USF3: variants seen among roughly 807,000 people sequenced by gnomAD.
The protein encoded by USF3 is upstream transcription factor family member 3, also known as basic helix-loop-helix domain-containing protein USF3.
In USF3, 29 loss-of-function variants were observed where a neutral mutation model predicts 157.5. The ratio of observed to expected loss-of-function variants is 0.18; its 90% CI spans 0.14 to 0.25. The LOEUF is 0.25. Ranked by LOEUF, USF3 falls within the 10% of genes least tolerant of loss-of-function variation. USF3 has a pLI of 1.00. For synonymous variants in USF3, 893 were observed against 941.4 expected (o/e 0.95, Z 0.94); for missense variants, 2,381 against 2,667.6 (o/e 0.89, Z 2.37).
At chr3:113,672,916 A>G (rs1414948213) in intron 4 of USF3, among the ~76,000 whole-genome samples, 1 of 152,172 alleles carries the variant, frequency 6.6e-6, no homozygotes, top group Non-Finnish European at 1.5e-5. Flanking sequence ...ATAATTGAGG[A>G]CTCCAGAACT....
At position 113,660,323 on chromosome 3, in the gene USF3, A is replaced by G. The variant is rs1947459689; in HGVS notation, c.1359T>C (p.Ala453=). Reference sequence around the variant, plus strand: ...CAGACTCATTTAATACTGGAGTCACAGCAGAAGATGGTGTCTGGCTTAAGG... The same window carrying G: ...CAGACTCATTTAATACTGGAGTCACGGCAGAAGATGGTGTCTGGCTTAAGG... The part of the protein sequence containing the change: ...IQPLSQTPSS[A]VTPVLNESGT... Residue 453 remains alanine, a synonymous_variant, in exon 7 of 7, where the codon GCT becomes GCC. Coordinates refer to ENST00000316407, the MANE Select transcript of USF3 (RefSeq NM_001009899.4). The G allele has an allele frequency of 6.2e-7, 1 of 1,614,124 alleles. No individual in the cohort carries two copies.
intron 1 of USF3, among the ~76,000 whole-genome samples, chr3:113,692,268 C>T (rs1707703013): frequency 6.6e-6 from 1 of 152,146 alleles, no homozygotes; most frequent in South Asian, 2.1e-4. Flanking sequence ...AATGTCTTAA[C>T]ATGAAATACA....
rs1247676549 is a variant in USF3, at chr3:113,687,235, A to ACACACATATG, written c.-135+9134_-135+9135insCATATGTGTG. ...GTGCCCTTTACACACACAGTCACAC[A>ACACACATATG]CACACACACACACACACACACACAC... On this transcript the variant is annotated intron_variant, in intron 1 of 6. Transcript: ENST00000316407. 1.8e-3 allele frequency among the ~76,000 whole-genome samples: 248 copies of ACACACATATG among 135,546 alleles called. 3 individuals are homozygous for ACACACATATG. The highest frequency in any genetic ancestry group is 6.5e-3 in the African/African-American group (234 of 36,104). The allele number at this position is 135,546 out of a possible 152,430, so 88.9% of individuals were successfully genotyped here.
Position 113,651,050 on chromosome 3 carries a change from C to G in USF3, c.*3894G>C, listed in dbSNP as rs1348011171. On this transcript the variant is annotated 3_prime_UTR_variant, in exon 7 of 7. Coordinates refer to ENST00000316407, the MANE Select transcript of USF3 (RefSeq NM_001009899.4). The stretch of plus-strand genomic sequence containing the variant: ...GAAAGAAACAACATCAAACTAGATT[C>G]CTTTCATCTATGATTGACACATTAA... 1 of 152,178 alleles carries G rather than the reference C, an allele frequency of 6.6e-6. No individual in the cohort carries two copies. Among genetic ancestry groups the G allele is most frequent in the Non-Finnish European group, 1.5e-5 (1 of 68,030 alleles). The allele number at this position is 152,178 out of a possible 1,614,324, so 9.4% of individuals were successfully genotyped here. A position where few individuals can be genotyped will look rare whatever the true frequency, so the allele number is the denominator to read the frequency against.
chr3:113,689,541 A>G (rs1426942445), intron 1 of USF3, among the ~76,000 whole-genome samples: 2 of 152,194 alleles, frequency 1.3e-5, no homozygotes, highest in Non-Finnish European at 2.9e-5. Context: ...GATTTTTTCC[A>G]CTTTAGCACT....
intron 1 of USF3, among the ~76,000 whole-genome samples, chr3:113,690,810 C>G (rs943401756): frequency 8.5e-5 from 13 of 152,302 alleles, no homozygotes; most frequent in African/African-American, 3.1e-4. Context: ...ACTCTCGCTA[C>G]TTAGTAAACT....
In USF3 at chr3:113,660,365, T is replaced by C. The variant is rs1577032358; in HGVS notation, c.1317A>G (p.Ala439=). ...GGCTTAAGGGCTGAATAGTGTTTCC[T>C]GCCAGTTGCAAAGTAGTCCACGTTG... The part of the protein sequence containing the change: ...TQTTWTTLQL[A]GNTIQPLSQT... Residue 439 remains alanine, a synonymous_variant, in exon 7 of 7, where the codon GCA becomes GCG. Transcript: ENST00000316407. 6.2e-7 allele frequency: 1 copy of C among 1,614,202 alleles called. No homozygotes were observed. Among genetic ancestry groups the C allele is most frequent in the East Asian group, 2.2e-5 (1 of 44,888 alleles).
At chr3:113,686,970 C>A (rs1707564253) in intron 1 of USF3, among the ~76,000 whole-genome samples, 1 of 152,008 alleles carries the variant, frequency 6.6e-6, no homozygotes, top group Non-Finnish European at 1.5e-5. Flanking sequence ...TAAGTCTAGC[C>A]CACACGCAAA....
Position 113,657,853 on chromosome 3 carries a change from C to T in USF3, c.3829G>A (p.Val1277Ile), listed in dbSNP as rs748988749. 5.0e-5 allele frequency: 81 copies of T among 1,614,026 alleles called. No individual in the cohort carries two copies. The highest frequency in any genetic ancestry group is 1.6e-4 in the East Asian group (7 of 44,892). ...TTVPATVNLT[V>I]SSSSYGSQPP... ...TGACTGCCATAGGAGCTAGATGAAA[C>T]GGTCAGATTAACCGTTGCAGGCACA... Residue 1277 changes from valine to isoleucine, a missense_variant, in exon 7 of 7, where the codon GTT (valine) becomes ATT (isoleucine). Physicochemically the swap from Val to Ile is conservative, Grantham distance 29. Transcript: ENST00000316407.
At chr3:113,676,117 A>T (rs572482371) in intron 2 of USF3, among the ~76,000 whole-genome samples, 1 of 152,148 alleles carries the variant, frequency 6.6e-6, no homozygotes, top group Non-Finnish European at 1.5e-5. Flanking sequence ...GAGTCCTCCA[A>T]GTCTCTACAA....
At position 113,649,924 on chromosome 3, in the gene USF3, G is replaced by A. The variant is rs1947232085; in HGVS notation, c.*5020C>T. ...AGGCCCTTTTCTTTCAAACCCTGGG[G>A]AAAGAAAAATGGTAATGTTCAGCCA... On this transcript the variant is annotated 3_prime_UTR_variant, in exon 7 of 7. Transcript: ENST00000316407. 1.4e-6 allele frequency: 1 copy of A among 693,170 alleles called. No homozygotes were observed. The highest frequency in any genetic ancestry group is 1.5e-5 in the South Asian group (1 of 65,222). 42.9% of individuals were successfully genotyped at this position (693,170 alleles called of 1,614,324 possible). A position where few individuals can be genotyped will look rare whatever the true frequency, so the allele number is the denominator to read the frequency against.
intron 5 of USF3, among the ~76,000 whole-genome samples, chr3:113,667,314 C>T (rs1482013337): frequency 1.3e-5 from 2 of 152,216 alleles, no homozygotes; most frequent in African/African-American, 4.8e-5. Flanking sequence ...TCTTAGTTGG[C>T]TCTGCTTCTG....
chr3:113,664,412 G>A lies in USF3; in HGVS notation c.160-3C>T. ...TGGTCCAGGATCATATTCTTGCTCT[G>A]TCCAAGAAAATTTTAAAAGTTTACA... On this transcript the variant is annotated splice_region_variant and splice_polypyrimidine_tract_variant and intron_variant, in intron 5 of 6. Coordinates refer to ENST00000316407, the MANE Select transcript of USF3 (RefSeq NM_001009899.4). 1 of 1,560,714 alleles carries A rather than the reference G, an allele frequency of 6.4e-7. No individual in the cohort carries two copies. The highest frequency in any genetic ancestry group is 1.2e-5 in the South Asian group (1 of 84,064).
rs1947228977 is a variant in USF3, at chr3:113,649,776, T to G, written c.*5168A>C. On this transcript the variant is annotated 3_prime_UTR_variant, in exon 7 of 7. Coordinates refer to ENST00000316407, the MANE Select transcript of USF3 (RefSeq NM_001009899.4). ...TCTAGAAGCTCTGTGTCCAACAAGGTCCTCACGCTTCTTATCAGCATGGAC... is the reference window on the plus strand; with the variant it reads ...TCTAGAAGCTCTGTGTCCAACAAGGGCCTCACGCTTCTTATCAGCATGGAC... The G allele has an allele frequency of 1.4e-6, 1 of 701,532 alleles. No homozygotes were observed. The highest frequency in any genetic ancestry group is 2.7e-5 in the East Asian group (1 of 37,258). The allele number at this position is 701,532 out of a possible 1,614,324, so 43.5% of individuals were successfully genotyped here. A position where few individuals can be genotyped will look rare whatever the true frequency, so the allele number is the denominator to read the frequency against.
At chr3:113,680,235 T>C (rs752328592) in intron 1 of USF3, among the ~76,000 whole-genome samples, 9 of 151,960 alleles carry the variant, frequency 5.9e-5, no homozygotes, top group Non-Finnish European at 1.0e-4. Flanking sequence ...TCCTGGGCTT[T>C]TCTTTGCTGG....
chr3:113,662,826 C>A (rs1163313722), intron 6 of USF3, among the ~76,000 whole-genome samples: 1 of 151,930 alleles, frequency 6.6e-6, no homozygotes, highest in East Asian at 1.9e-4. Flanking sequence ...CATGAGATGG[C>A]AATTTATATT....
Position 113,652,108 on chromosome 3 carries a change from A to AGAGAGAGAGT in USF3, c.*2835_*2836insACTCTCTCTC, listed in dbSNP as rs1266464109. The AGAGAGAGAGT allele has an allele frequency of 3.0e-4, 43 of 142,084 alleles. No individual in the cohort carries two copies. Among genetic ancestry groups the AGAGAGAGAGT allele is most frequent in the African/African-American group, 1.0e-3 (40 of 38,386 alleles). 8.8% of individuals were successfully genotyped at this position (142,084 alleles called of 1,614,324 possible). A position where few individuals can be genotyped will look rare whatever the true frequency, so the allele number is the denominator to read the frequency against. On this transcript the variant is annotated 3_prime_UTR_variant, in exon 7 of 7. Transcript: ENST00000316407. ...TGGAGAGAGAGAGAGAGAGAGAGAG[A>AGAGAGAGAGT]GTGTGTGTGTGTGTGTGTGTGTGTG...
chr3:113,649,595 G>A lies in USF3; in HGVS notation c.*5349C>T, dbSNP rs776909212. ...GTGAGAAACATCAGCTGTACTTGTCGAGAAGGTGTCTGATTACACAGCGTG... is the reference window on the plus strand; with the variant it reads ...GTGAGAAACATCAGCTGTACTTGTCAAGAAGGTGTCTGATTACACAGCGTG... On this transcript the variant is annotated 3_prime_UTR_variant, in exon 7 of 7. Coordinates refer to ENST00000316407, the MANE Select transcript of USF3 (RefSeq NM_001009899.4). 1.3e-5 allele frequency: 5 copies of A among 393,712 alleles called. No homozygotes were observed. Among genetic ancestry groups the A allele is most frequent in the African/African-American group, 4.1e-5 (2 of 48,382 alleles). The allele number at this position is 393,712 out of a possible 1,614,324, so 24.4% of individuals were successfully genotyped here.
At chr3:113,688,750 A>G (rs114181184) in intron 1 of USF3, among the ~76,000 whole-genome samples, 1 of 152,324 alleles carries the variant, frequency 6.6e-6, no homozygotes, top group African/African-American at 2.4e-5. Flanking sequence ...GGTCATTAAT[A>G]CAGATGCTGG....
Sources: allele counts gnomAD v4.1 joint callset (sites outside exome capture counted in the v4.1 genomes callset), GRCh38; gene constraint gnomAD v4.1.1; transcripts MANE v1.5; gene names NCBI Gene and HGNC (gene_info 2026-07-23, HGNC 2026-07-21).